Variants in HELLS observed in about 807,000 individuals in gnomAD.
HELLS encodes lymphoid-specific helicase.
A neutral mutation model predicts 120.0 loss-of-function variants in HELLS; 32 were observed. The ratio of observed to expected loss-of-function variants is 0.27; its 90% CI spans 0.20 to 0.36. The LOEUF is 0.36. HELLS is among the 10% of genes least tolerant of loss of function. HELLS has a pLI of 1.00. For synonymous variants in HELLS, 341 were observed against 323.4 expected, an observed-to-expected ratio of 1.05 and a Z score of -0.58; for missense variants, 650 against 993.4, an observed-to-expected ratio of 0.65 and a Z score of 4.65.
intron 19 of HELLS, among the ~76,000 whole-genome samples, chr10:94,595,621 C>G (rs924156158): frequency 3.3e-5 from 5 of 151,940 alleles, no homozygotes; most frequent in Admixed American, 3.3e-4. Flanking sequence ...CTCAACAATG[C>G]TTTTTAATCT....
chr10:94,582,862 C>T, intron 11 of HELLS, 101 bp from the exon 12 acceptor site: 1 of 601,480 alleles, frequency 1.7e-6, no homozygotes, highest in Non-Finnish European at 2.8e-6. Flanking sequence ...GCAACAATAC[C>T]ACGTTTCATT....
chr10:94,565,134 C>A (rs537656567), intron 6 of HELLS, among the ~76,000 whole-genome samples: 2 of 152,124 alleles, frequency 1.3e-5, no homozygotes, highest in African/African-American at 4.8e-5. Flanking sequence ...GCCAGGAGTT[C>A]GAAACCTGTC....
chr10:94,550,217 G>C (rs1842917465), intron 2 of HELLS, among the ~76,000 whole-genome samples: 1 of 152,040 alleles, frequency 6.6e-6, no homozygotes, highest in Non-Finnish European at 1.5e-5. Context: ...ACCATGCCCA[G>C]CTGATTTTTT....
In HELLS at chr10:94,573,942, A is replaced by T. The variant is rs541268999; in HGVS notation, c.478-18A>T. ...GCATTTTGTATAACACATCTTATTA[A>T]ACTTTTTTTCTCTACAGGATGAAAA... On this transcript the variant is annotated intron_variant, in intron 7 of 21. Coordinates refer to ENST00000348459, the MANE Select transcript of HELLS (RefSeq NM_018063.5). 6.8e-7 allele frequency: 1 copy of T among 1,473,704 alleles called. No homozygotes were observed. The highest frequency in any genetic ancestry group is 2.3e-5 in the East Asian group (1 of 44,174). The allele number at this position is 1,473,704 out of a possible 1,614,324, so 91.3% of individuals were successfully genotyped here.
intron 7 of HELLS, among the ~76,000 whole-genome samples, chr10:94,573,469 T>C (rs972068790): frequency 5.3e-5 from 8 of 151,758 alleles, no homozygotes; most frequent in African/African-American, 1.9e-4. Context: ...TATTTTATTT[T>C]ATTTTATTTT....
intron 6 of HELLS, among the ~76,000 whole-genome samples, chr10:94,567,304 A>C (rs1843855270): frequency 6.6e-6 from 1 of 151,700 alleles, no homozygotes; most frequent in African/African-American, 2.4e-5. Flanking sequence ...CTTTATTTCC[A>C]AGGTTTTTTT....
intron 10 of HELLS, among the ~76,000 whole-genome samples, chr10:94,579,732 A>G (rs1844725850): frequency 6.6e-6 from 1 of 151,886 alleles, no homozygotes; most frequent in South Asian, 2.1e-4. Flanking sequence ...TTGTAGGAAC[A>G]GGGTGTCTCA....
At chr10:94,573,506 C>T (rs919222881) in intron 7 of HELLS, among the ~76,000 whole-genome samples, 7 of 151,752 alleles carry the variant, frequency 4.6e-5, no homozygotes, top group Non-Finnish European at 7.4e-5. Context: ...TCTTCTGTCA[C>T]CCAGGCTGGA....
chr10:94,580,990 G>A (rs1844840592), intron 10 of HELLS, among the ~76,000 whole-genome samples: 1 of 152,174 alleles, frequency 6.6e-6, no homozygotes, highest in South Asian at 2.1e-4. Flanking sequence ...GTAGTCTAGT[G>A]TAACATTAAT....
At chr10:94,563,701 G>A (rs1472095031) in intron 6 of HELLS, among the ~76,000 whole-genome samples, 1 of 151,998 alleles carries the variant, frequency 6.6e-6, no homozygotes, top group Non-Finnish European at 1.5e-5. Flanking sequence ...TGTTGCCTAG[G>A]CTGCTCTTGA....
At chr10:94,611,686 T>C (rs701885) in exon 10 of HELLS, 73,192 of 151,966 alleles carry the variant, frequency 0.48, 18,214 homozygotes, top group East Asian at 0.78. Context: ...ATTTTCCCGG[T>C]TTGTAGGACC....
At chr10:94,588,623 C>T (rs1845299980) in intron 13 of HELLS, among the ~76,000 whole-genome samples, 1 of 152,058 alleles carries the variant, frequency 6.6e-6, no homozygotes, top group Admixed American at 6.5e-5. Context: ...TTAAGCAGTC[C>T]ACCCACCTTG....
intron 10 of HELLS, among the ~76,000 whole-genome samples, chr10:94,580,117 G>GTATATATATATATA (rs58984411): frequency 3.1e-5 from 2 of 65,490 alleles, no homozygotes; most frequent in African/African-American, 5.7e-5. Context: ...CATTATAAAA[G>GTATATATATATATA]TATATATATA....
intron 12 of HELLS, chr10:94,584,078 C>A: frequency 7.2e-7 from 1 of 1,389,192 alleles, no homozygotes; most frequent in Non-Finnish European, 9.6e-7. Flanking sequence ...ATATGATATA[C>A]GTCCATATGA....
At position 94,560,101 on chromosome 10, in the gene HELLS, C is replaced by T. The variant is rs59945140; in HGVS notation, c.333+1906C>T. 3.2e-3 allele frequency among the ~76,000 whole-genome samples: 492 copies of T among 151,986 alleles called. 2 individuals are homozygous for T. The highest frequency in any genetic ancestry group is 0.011 in the African/African-American group (471 of 41,494). ...AGGCTGGGATGCAGTGGCGTGATTTCGGCTCACTGCAACCTCTGTCTCCTG... is the reference window on the plus strand; with the variant it reads ...AGGCTGGGATGCAGTGGCGTGATTTTGGCTCACTGCAACCTCTGTCTCCTG... On this transcript the variant is annotated intron_variant, in intron 4 of 21. Coordinates refer to ENST00000348459, the MANE Select transcript of HELLS (RefSeq NM_018063.5).
chr10:94,606,784 T>C (rs1320094680), downstream of HELLS, among the ~76,000 whole-genome samples: 1 of 152,242 alleles, frequency 6.6e-6, no homozygotes, highest in Non-Finnish European at 1.5e-5. Context: ...GATCATTTAC[T>C]GTTCCTCAAA....
At chr10:94,566,348 A>C (rs1029285866) in intron 6 of HELLS, among the ~76,000 whole-genome samples, 4 of 152,016 alleles carry the variant, frequency 2.6e-5, no homozygotes, top group African/African-American at 9.7e-5. Context: ...AGTACAGGTA[A>C]GATAGTGGGG....
rs1308769185 is a variant in HELLS at position 94,588,364 on chromosome 10, A to G, written c.1462A>G (p.Ile488Val). ...IFYTAIVNRT[I>V]ANMFGSSEKE... ...TTATACAGCCATTGTGAACCGTACA[A>G]TTGCAAACATGTTTGGATCCAGTGA... is the stretch of plus-strand genomic sequence containing the variant. The change falls in exon 13 of 22, where the codon ATT becomes GTT. Residue 488 changes from isoleucine (I) to valine (V), a missense_variant. Physicochemically the swap from Ile to Val is conservative, Grantham distance 29. Transcript: ENST00000348459. 7 of 1,606,340 alleles carry G rather than the reference A, an allele frequency of 4.4e-6. No individual in the cohort carries two copies. Among genetic ancestry groups the G allele is most frequent in the Non-Finnish European group, 5.9e-6 (7 of 1,176,770 alleles).
rs75632981 is a variant in HELLS, at chr10:94,546,657, T to C, written c.153+159T>C. Among the ~76,000 whole-genome samples the C allele has an allele frequency of 2.3e-3, 353 of 152,358 alleles. 1 individual carries two copies. The highest frequency in any genetic ancestry group is 8.2e-3 in the African/African-American group (340 of 41,586). ...TGTCTTTTTTGTATGTTTACAGATA[T>C]TGCCTTTGAGAATCCTTTCGCAAGT... On this transcript the variant is annotated intron_variant, in intron 2 of 21. Coordinates refer to ENST00000348459, the MANE Select transcript of HELLS (RefSeq NM_018063.5).
Sources: gnomAD v4.1 joint callset for allele counts (sites outside exome capture counted in the v4.1 genomes callset) on GRCh38, gnomAD v4.1.1 for gene constraint, MANE v1.5 for transcripts, NCBI Gene and HGNC (gene_info 2026-07-23, HGNC 2026-07-21) for gene names.